Variants in IMMP2L observed in about 807,000 individuals in gnomAD.
The protein encoded by IMMP2L is inner mitochondrial membrane peptidase subunit 2, also known as mitochondrial inner membrane protease subunit 2.
Under a neutral mutation model 19.3 loss-of-function variants are expected in IMMP2L, and 18 were observed. The ratio of observed to expected loss-of-function variants is 0.93; its 90% CI spans 0.64 to 1.38. The LOEUF is 1.38. Among genes scored for constraint, IMMP2L ranks in the 40% most tolerant of loss-of-function variants. IMMP2L has a pLI of 0.00. For synonymous variants in IMMP2L, 76 were observed against 73.0 expected (o/e 1.04, Z -0.21); for missense variants, 233 against 218.2 (o/e 1.07, Z -0.43).
chr7:111,330,384 G>A (rs1447180859), intron 3 of IMMP2L, among the ~76,000 whole-genome samples: 1 of 151,640 alleles, frequency 6.6e-6, no homozygotes, highest in Admixed American at 6.6e-5. Context: ...ATATATAAAT[G>A]GAATTTCTGA....
chr7:111,281,132 G>A (rs71544721), intron 3 of IMMP2L, among the ~76,000 whole-genome samples: 14 of 90,750 alleles, frequency 1.5e-4, no homozygotes, highest in African/African-American at 6.2e-4. Flanking sequence ...GAGAGAAAGA[G>A]AGAAAGACAG....
chr7:110,928,636 T>C (rs1815135601), intron 4 of IMMP2L, among the ~76,000 whole-genome samples: 1 of 151,200 alleles, frequency 6.6e-6, no homozygotes, highest in African/African-American at 2.4e-5. Flanking sequence ...AAAACAAAGA[T>C]ACTTTCATAA....
At chr7:110,685,400 G>A (rs560204604) in intron 5 of IMMP2L, among the ~76,000 whole-genome samples, 16 of 152,266 alleles carry the variant, frequency 1.1e-4, no homozygotes, top group African/African-American at 3.4e-4. Flanking sequence ...CTAGCTCAGT[G>A]CTCTGCTACA....
intron 3 of IMMP2L, among the ~76,000 whole-genome samples, chr7:111,022,581 G>A (rs967438578): frequency 2.0e-5 from 3 of 152,160 alleles, no homozygotes; most frequent in Admixed American, 1.3e-4. Flanking sequence ...AGTAGCTGTG[G>A]TTATGATGGA....
intron 5 of IMMP2L, among the ~76,000 whole-genome samples, chr7:110,854,968 T>C (rs975134580): frequency 1.3e-5 from 2 of 151,980 alleles, no homozygotes; most frequent in African/African-American, 2.4e-5. Context: ...TCTAGATGTG[T>C]CATATTCCCA....
chr7:111,084,817 G>T (rs1200598320), intron 3 of IMMP2L, among the ~76,000 whole-genome samples: 3 of 152,116 alleles, frequency 2.0e-5, no homozygotes, highest in African/African-American at 7.2e-5. Context: ...AGAAAGTGAT[G>T]ATATGATTGT....
At chr7:111,436,049 A>G (rs1473001458) in intron 3 of IMMP2L, among the ~76,000 whole-genome samples, 1 of 151,752 alleles carries the variant, frequency 6.6e-6, no homozygotes, top group South Asian at 2.1e-4. Flanking sequence ...ACCTCTGTGG[A>G]CTTCAATTAG....
Position 110,949,935 on chromosome 7 carries a change from C to A in IMMP2L, c.305+13565G>T, listed in dbSNP as rs569302293. ...CCATGTAAGAAACAAGCACATATAC[C>A]CTATGAATCTAAAATAAAAATTTTT... On this transcript the variant is annotated intron_variant, in intron 4 of 5. Coordinates refer to ENST00000405709, the MANE Select transcript of IMMP2L (RefSeq NM_032549.4). Among the ~76,000 whole-genome samples, 5 of 152,058 alleles carry A rather than the reference C, an allele frequency of 3.3e-5. No individual in the cohort carries two copies. The East Asian group carries it at 9.7e-4, about 29-fold the overall frequency.
intron 5 of IMMP2L, among the ~76,000 whole-genome samples, chr7:110,672,596 G>A (rs1479148997): frequency 6.6e-6 from 1 of 152,182 alleles, no homozygotes; most frequent in Non-Finnish European, 1.5e-5. Flanking sequence ...AAAATCATAA[G>A]CAAGTTAGTT....
At chr7:111,088,675 A>G (rs1230050900) in intron 3 of IMMP2L, among the ~76,000 whole-genome samples, 19 of 152,260 alleles carry the variant, frequency 1.2e-4, no homozygotes, top group Non-Finnish European at 1.5e-5. Context: ...CAATTGTATT[A>G]ATTCAAAAAC....
intron 3 of IMMP2L, among the ~76,000 whole-genome samples, chr7:111,033,545 T>A (rs1056495042): frequency 1.3e-5 from 2 of 152,242 alleles, no homozygotes; most frequent in Non-Finnish European, 2.9e-5. Flanking sequence ...GCTTTATTCA[T>A]AATTGCCAAA....
At chr7:111,202,608 T>C (rs192461960) in intron 3 of IMMP2L, among the ~76,000 whole-genome samples, 1 of 152,162 alleles carries the variant, frequency 6.6e-6, no homozygotes, top group Non-Finnish European at 1.5e-5. Context: ...TATGTAGAAT[T>C]GACTCTTCAC....
rs559372425 is a variant in IMMP2L at position 110,769,777 on chromosome 7, G to A, written c.409-106056C>T. The stretch of plus-strand genomic sequence containing the variant: ...AGAAAAGAGAGCTAAAAGTAAGATA[G>A]ACGTTATATGACAATACTGCTGACC... On this transcript the variant is annotated intron_variant, in intron 5 of 5. Transcript: ENST00000405709. 7.9e-4 allele frequency among the ~76,000 whole-genome samples: 121 copies of A among 152,264 alleles called. 2 individuals are homozygous for A. In the South Asian group the frequency reaches 0.012, roughly 16 times the overall value.
intron 5 of IMMP2L, among the ~76,000 whole-genome samples, chr7:110,861,106 A>T (rs5012326): frequency 0.074 from 10,686 of 143,806 alleles, 510 homozygotes; most frequent in African/African-American, 0.12. Flanking sequence ...TGTGAGAGAG[A>T]GAGAGAGAGA....
intron 3 of IMMP2L, among the ~76,000 whole-genome samples, chr7:111,317,670 C>A (rs964310780): frequency 6.6e-6 from 1 of 152,048 alleles, no homozygotes; most frequent in Non-Finnish European, 1.5e-5. Flanking sequence ...CCAAGGAGAC[C>A]ATTATAAGGC....
intron 3 of IMMP2L, among the ~76,000 whole-genome samples, chr7:111,004,392 T>C (rs1563151526): frequency 1.3e-5 from 2 of 152,162 alleles, no homozygotes; most frequent in African/African-American, 2.4e-5. Flanking sequence ...CTGAAACTCC[T>C]GGACTCAAAT....
chr7:111,562,290 C>A lies in IMMP2L; in HGVS notation c.-442G>T, dbSNP rs1035340603. On this transcript the variant is annotated 5_prime_UTR_variant, in exon 1 of 6. Transcript: ENST00000405709. The stretch of plus-strand genomic sequence containing the variant: ...CTCGCGATCACGCAGGACTCGCGGC[C>A]GCGCACCCCTCCGCCTCCCGGCAAC... The A allele has an allele frequency of 6.6e-6, 1 of 152,376 alleles. No individual in the cohort carries two copies. The highest frequency in any genetic ancestry group is 2.1e-4 in the South Asian group (1 of 4,826). The allele number at this position is 152,376 out of a possible 1,614,324, so 9.4% of individuals were successfully genotyped here.
At chr7:111,046,690 A>C (rs1056816941) in intron 3 of IMMP2L, among the ~76,000 whole-genome samples, 5 of 152,260 alleles carry the variant, frequency 3.3e-5, no homozygotes, top group African/African-American at 7.2e-5. Context: ...GATGAATATC[A>C]TTCAAGGTCT....
At chr7:110,693,073 G>C (rs1007622469) in intron 5 of IMMP2L, among the ~76,000 whole-genome samples, 1 of 152,180 alleles carries the variant, frequency 6.6e-6, no homozygotes, top group Non-Finnish European at 1.5e-5. Context: ...CTGGTTAAGT[G>C]CATAAAAGCA....
Sources: gnomAD v4.1 joint callset for allele counts (sites outside exome capture counted in the v4.1 genomes callset) on GRCh38, gnomAD v4.1.1 for gene constraint, MANE v1.5 for transcripts, NCBI Gene and HGNC (gene_info 2026-07-23, HGNC 2026-07-21) for gene names.